The following KSR2 variants were observed in gnomAD, a reference collection of about 807,000 sequenced individuals.
KSR2 encodes kinase suppressor of ras 2.
Under a neutral mutation model 107.8 loss-of-function variants are expected in KSR2, and 25 were observed. That is an observed-to-expected ratio of 0.23 (90% CI 0.17 to 0.32). KSR2 has a LOEUF of 0.32. KSR2 is among the 10% of genes least tolerant of loss of function. KSR2 has a pLI of 1.00. For missense variants in KSR2, 887 were observed against 1,268.9 expected (o/e 0.70, Z 4.57); for synonymous variants, 480 against 507.0 (o/e 0.95, Z 0.71).
At chr12:117,771,567 G>C (rs1889451083) in intron 3 of KSR2, among the ~76,000 whole-genome samples, 1 of 152,148 alleles carries the variant, frequency 6.6e-6, no homozygotes, top group Non-Finnish European at 1.5e-5. Context: ...CACAACATTG[G>C]CTGTGTGCTT....
intron 4 of KSR2, among the ~76,000 whole-genome samples, chr12:117,691,098 G>A (rs1489834366): frequency 6.6e-6 from 1 of 152,184 alleles, no homozygotes; most frequent in East Asian, 1.9e-4. Context: ...TGACAATGTT[G>A]CAAAAGTGAC....
chr12:117,936,177 G>A (rs1421831104), intron 1 of KSR2, among the ~76,000 whole-genome samples: 2 of 149,596 alleles, frequency 1.3e-5, no homozygotes, highest in East Asian at 2.0e-4. Context: ...TTGGGACCAC[G>A]GGCAAGAGCC....
chr12:117,631,867 G>C (rs1290718074), intron 5 of KSR2, among the ~76,000 whole-genome samples: 3 of 152,164 alleles, frequency 2.0e-5, no homozygotes, highest in African/African-American at 7.2e-5. Context: ...GCAAAGCATA[G>C]AGTCCCCATA....
chr12:117,697,582 A>G (rs1040131922), intron 4 of KSR2, among the ~76,000 whole-genome samples: 1 of 152,114 alleles, frequency 6.6e-6, no homozygotes, highest in Admixed American at 6.5e-5. Flanking sequence ...TCTACTGAAA[A>G]TACAAGAATT....
At chr12:117,938,017 C>T (rs1329292462) in intron 1 of KSR2, among the ~76,000 whole-genome samples, 1 of 151,324 alleles carries the variant, frequency 6.6e-6, no homozygotes, top group Non-Finnish European at 1.5e-5. Context: ...AGACTCCTCC[C>T]ATGTTGGACT....
intron 14 of KSR2, among the ~76,000 whole-genome samples, chr12:117,520,881 C>A (rs144825420): frequency 3.0e-4 from 45 of 152,194 alleles, no homozygotes; most frequent in Non-Finnish European, 5.1e-4. Context: ...TTGGTTGTCA[C>A]AACTTGACGC....
intron 1 of KSR2, among the ~76,000 whole-genome samples, chr12:117,941,690 G>A (rs1270084917): frequency 4.9e-5 from 6 of 122,252 alleles, no homozygotes; most frequent in Admixed American, 3.2e-4. Flanking sequence ...GCAGTGGCAC[G>A]ATCTTGGCTT....
intron 5 of KSR2, among the ~76,000 whole-genome samples, chr12:117,631,794 TAC>T (rs2136373961): frequency 6.6e-6 from 1 of 152,286 alleles, no homozygotes; most frequent in East Asian, 1.9e-4. Context: ...ACACAAAAAG[TAC>T]TTTTAAACCA....
intron 4 of KSR2, among the ~76,000 whole-genome samples, chr12:117,698,481 AT>A (rs113679432): frequency 0.066 from 9,779 of 148,852 alleles, 360 homozygotes; most frequent in Middle Eastern, 0.083. Context: ...ACTCCCAGCT[AT>A]TTTTTTTTTC....
chr12:117,571,978 C>G (rs1878922369), intron 7 of KSR2, among the ~76,000 whole-genome samples: 1 of 152,112 alleles, frequency 6.6e-6, no homozygotes, highest in Non-Finnish European at 1.5e-5. Context: ...GCCTCCCACC[C>G]CCATCCTATC....
intron 3 of KSR2, among the ~76,000 whole-genome samples, chr12:117,803,038 G>C (rs2137026732): frequency 6.6e-6 from 1 of 152,274 alleles, no homozygotes; most frequent in South Asian, 2.1e-4. Context: ...TCTATTTGAT[G>C]AATATTAATT....
intron 1 of KSR2, among the ~76,000 whole-genome samples, chr12:117,867,307 C>A (rs1253514836): frequency 2.0e-5 from 3 of 151,576 alleles, no homozygotes; most frequent in African/African-American, 7.3e-5. Context: ...CAAAGCGAGA[C>A]CTTGTATTTA....
intron 4 of KSR2, among the ~76,000 whole-genome samples, chr12:117,668,278 T>C (rs1213575216): frequency 6.6e-6 from 1 of 152,240 alleles, no homozygotes; most frequent in Non-Finnish European, 1.5e-5. Context: ...TGAGGACTTC[T>C]GGTGCCGGGC....
intron 4 of KSR2, among the ~76,000 whole-genome samples, chr12:117,714,890 C>T (rs1886920578): frequency 6.6e-6 from 1 of 152,132 alleles, no homozygotes; most frequent in Non-Finnish European, 1.5e-5. Flanking sequence ...TCAGCAGTGC[C>T]AAGGTTGAGA....
chr12:117,547,006 T>C (rs1411736543), intron 9 of KSR2, among the ~76,000 whole-genome samples: 5 of 152,222 alleles, frequency 3.3e-5, no homozygotes, highest in Non-Finnish European at 7.3e-5. Context: ...CTATTGATTG[T>C]CTTTCTTTTT....
At chr12:117,727,117 T>C (rs1887461001) in intron 4 of KSR2, among the ~76,000 whole-genome samples, 1 of 151,942 alleles carries the variant, frequency 6.6e-6, no homozygotes, top group Non-Finnish European at 1.5e-5. Flanking sequence ...GGCTTACACC[T>C]GTAATCCCAG....
chr12:117,729,640 TGCTGGGAAG>T (rs1164710567), intron 4 of KSR2, among the ~76,000 whole-genome samples: 1 of 152,132 alleles, frequency 6.6e-6, no homozygotes, highest in African/African-American at 2.4e-5. Flanking sequence ...CGGCTTCCAA[TGCTGGGAAG>T]GCTGCAAAAA....
chr12:117,960,431 A>T (rs887557734), intron 1 of KSR2, among the ~76,000 whole-genome samples: 1 of 152,174 alleles, frequency 6.6e-6, no homozygotes, highest in Admixed American at 6.5e-5. Flanking sequence ...GGGCTTGCAC[A>T]CTGGCGCCTG....
At chr12:117,501,344 C>A (rs1205662264) in intron 14 of KSR2, among the ~76,000 whole-genome samples, 1 of 152,088 alleles carries the variant, frequency 6.6e-6, no homozygotes, top group African/African-American at 2.4e-5. Flanking sequence ...GTTTGCTGAC[C>A]CCTGCTCTAA....
Sources: gnomAD v4.1 joint callset for allele counts (sites outside exome capture counted in the v4.1 genomes callset) on GRCh38, gnomAD v4.1.1 for gene constraint, MANE v1.5 for transcripts, NCBI Gene and HGNC (gene_info 2026-07-23, HGNC 2026-07-21) for gene names.